Variants in CAST observed in about 807,000 individuals in gnomAD.
CAST encodes calpastatin.
A neutral mutation model predicts 119.6 loss-of-function variants in CAST; 76 were observed. The ratio of observed to expected loss-of-function variants is 0.64; its 90% CI spans 0.53 to 0.77. The LOEUF is 0.77. Among genes scored for constraint, CAST ranks in the 30% least tolerant of loss-of-function variants. The pLI is 0.00. For missense variants in CAST, 953 were observed against 946.5 expected (o/e 1.01, Z -0.09); for synonymous variants, 319 against 331.6 (o/e 0.96, Z 0.41).
At chr5:96,367,932 G>A in the CAST span, among the ~76,000 whole-genome samples, 1 of 152,000 alleles carries the variant, frequency 6.6e-6, no homozygotes, top group Non-Finnish European at 1.5e-5. Context: ...GAGAGCTGTA[G>A]AGTGGGGCTC....
the CAST span, among the ~76,000 whole-genome samples, chr5:96,264,555 G>A: frequency 2.6e-5 from 4 of 152,258 alleles, no homozygotes; most frequent in Admixed American, 6.5e-5. Context: ...ATGGCTTTGT[G>A]CCTTCTTATT....
the CAST span, among the ~76,000 whole-genome samples, chr5:96,415,422 C>T: frequency 3.9e-5 from 6 of 152,318 alleles, no homozygotes; most frequent in African/African-American, 7.2e-5. Flanking sequence ...AAGGTGATAA[C>T]ATCTGCCTAC....
the CAST span, among the ~76,000 whole-genome samples, chr5:96,355,052 G>A: frequency 1.3e-5 from 2 of 151,992 alleles, no homozygotes; most frequent in African/African-American, 4.8e-5. Flanking sequence ...AGGGATACAT[G>A]TGCAGAACGT....
At chr5:96,652,422 C>G (rs1007455371) in intron 1 of CAST, among the ~76,000 whole-genome samples, 2 of 152,110 alleles carry the variant, frequency 1.3e-5, no homozygotes, top group African/African-American at 4.8e-5. Context: ...AGCCTAAGTA[C>G]TAAATAGTGC....
At chr5:96,040,897 G>C in the CAST span, among the ~76,000 whole-genome samples, 2 of 152,150 alleles carry the variant, frequency 1.3e-5, no homozygotes, top group Admixed American at 1.3e-4. Context: ...AAATGAGTTA[G>C]GCAGGATTCC....
chr5:96,759,178 C>T (rs1438303688), intron 24 of CAST, among the ~76,000 whole-genome samples: 1 of 152,104 alleles, frequency 6.6e-6, no homozygotes, highest in East Asian at 1.9e-4. Context: ...AACTAATCAT[C>T]ATGAGAACCA....
chr5:96,432,072 C>T, the CAST span: 3 of 1,526,006 alleles, frequency 2.0e-6, no homozygotes, highest in Non-Finnish European at 2.6e-6. Context: ...CCCGGGAAAA[C>T]GATTACGTAC....
intron 1 of CAST, among the ~76,000 whole-genome samples, chr5:96,597,981 A>G (rs1747084117): frequency 6.6e-6 from 1 of 152,114 alleles, no homozygotes; most frequent in Admixed American, 6.5e-5. Context: ...GGCTGGCAGT[A>G]GTGAAGTCTG....
chr5:96,337,935 T>A, the CAST span, among the ~76,000 whole-genome samples: 1,722 of 152,304 alleles, frequency 0.011, 18 homozygotes, highest in Non-Finnish European at 0.018. Flanking sequence ...GTACTTGAAA[T>A]TTTTCCTTAT....
the CAST span, among the ~76,000 whole-genome samples, chr5:95,999,391 C>T: frequency 1.3e-5 from 2 of 152,206 alleles, no homozygotes; most frequent in African/African-American, 4.8e-5. Context: ...ACTCTATTGC[C>T]TAGGCTAGAT....
the CAST span, among the ~76,000 whole-genome samples, chr5:96,254,729 C>T: frequency 2.0e-5 from 3 of 152,078 alleles, no homozygotes; most frequent in African/African-American, 7.2e-5. Context: ...ACAAAGTAGA[C>T]ATGGACTGAT....
the CAST span, among the ~76,000 whole-genome samples, chr5:96,309,213 C>T: frequency 1.3e-5 from 2 of 152,214 alleles, no homozygotes; most frequent in Non-Finnish European, 2.9e-5. Context: ...GCAGTGGGCT[C>T]CGCCCAGTTC....
chr5:96,033,792 T>C, the CAST span, among the ~76,000 whole-genome samples: 2 of 151,844 alleles, frequency 1.3e-5, no homozygotes, highest in Non-Finnish European at 2.9e-5. Context: ...AAAGTGAAAA[T>C]AGACAAATGG....
chr5:96,506,525 G>A, the CAST span, among the ~76,000 whole-genome samples: 1 of 152,146 alleles, frequency 6.6e-6, no homozygotes, highest in Non-Finnish European at 1.5e-5. Context: ...ACATATGTAG[G>A]GAACTGTCTC....
the CAST span, among the ~76,000 whole-genome samples, chr5:96,247,552 T>G: frequency 6.6e-6 from 1 of 152,264 alleles, no homozygotes; most frequent in Non-Finnish European, 1.5e-5. Context: ...AAAGAAGCAC[T>G]GCCCAGCTGG....
intron 1 of CAST, among the ~76,000 whole-genome samples, chr5:96,572,464 G>A (rs181796598): frequency 6.6e-6 from 1 of 152,182 alleles, no homozygotes; most frequent in Non-Finnish European, 1.5e-5. Context: ...GCCTCCCAAA[G>A]TGCTGAGATT....
chr5:96,005,516 A>G, the CAST span, among the ~76,000 whole-genome samples: 3 of 152,230 alleles, frequency 2.0e-5, no homozygotes, highest in South Asian at 6.2e-4. Context: ...AGAAGTAACT[A>G]GAAGAAATAG....
chr5:96,702,543 G>A (rs1436667476), intron 3 of CAST, among the ~76,000 whole-genome samples: 1 of 152,224 alleles, frequency 6.6e-6, no homozygotes, highest in Admixed American at 6.5e-5. Context: ...CACCGTCGTT[G>A]CCTTATTCTG....
At chr5:96,768,096 T>C in intron 29 of CAST, 97 bp downstream of exon 29, 1 of 839,212 alleles carries the variant, frequency 1.2e-6, no homozygotes, top group South Asian at 1.4e-5. Context: ...TCTATCGGTC[T>C]GTCTTGTAAC....
Sources: allele counts gnomAD v4.1 joint callset (sites outside exome capture counted in the v4.1 genomes callset), GRCh38; gene constraint gnomAD v4.1.1; transcripts MANE v1.5; gene names NCBI Gene and HGNC (gene_info 2026-07-23, HGNC 2026-07-21).